The following ERC1 variants were observed in gnomAD, a reference collection of about 807,000 sequenced individuals.
ERC1 encodes the protein ELKS/RAB6-interacting/CAST family member 1.
Under a neutral mutation model 132.0 loss-of-function variants are expected in ERC1, and 56 were observed. The ratio of observed to expected loss-of-function variants is 0.42; its 90% CI spans 0.34 to 0.53. The LOEUF (loss-of-function observed/expected upper bound fraction) is 0.53, where lower values mean the gene tolerates loss of function less well. Ranked by LOEUF, ERC1 falls within the 20% of genes least tolerant of loss-of-function variation. The probability of loss-of-function intolerance (pLI) is 0.03; values close to 1 mark genes in which losing one functional copy is unlikely to be tolerated. For missense variants in ERC1, 1,202 were observed against 1,349.9 expected (o/e 0.89, Z 1.72); for synonymous variants, 478 against 476.1 (o/e 1.00, Z -0.05).
chr12:1,012,515 C>T (rs1248247168), intron 1 of ERC1, among the ~76,000 whole-genome samples: 4 of 134,764 alleles, frequency 3.0e-5, no homozygotes, highest in Non-Finnish European at 6.1e-5. Context: ...GCTCTGTCAA[C>T]AGGCTGGAGT....
chr12:1,384,612 A>G lies in ERC1; in HGVS notation c.2925+12635A>G, dbSNP rs117976652. On this transcript the variant is annotated intron_variant, in intron 16 of 18. Coordinates refer to ENST00000360905, the MANE Select transcript of ERC1 (RefSeq NM_178040.4). ...GAGATGAGTGATTGGAAAGCTGCTG[A>G]AAAGTTCATAGAAAATAGTGACTGT... 4.2e-3 allele frequency among the ~76,000 whole-genome samples: 639 copies of G among 152,330 alleles called. 10 individuals are homozygous for G. Among genetic ancestry groups the G allele is most frequent in the Non-Finnish European group, 6.2e-3 (424 of 68,030 alleles).
intron 17 of ERC1, among the ~76,000 whole-genome samples, chr12:1,423,499 G>A (rs1465899824): frequency 6.6e-6 from 1 of 152,104 alleles, no homozygotes; most frequent in East Asian, 1.9e-4. Context: ...CCCAAAACAT[G>A]ATCCATCTTA....
chr12:1,115,989 T>G lies in ERC1; in HGVS notation c.1525T>G (p.Ser509Ala). The change falls in exon 7 of 19, where the codon TCC becomes GCC. Residue 509 changes from serine (S) to alanine (A), a missense_variant. By Grantham distance (99) the Ser-to-Ala change is moderately conservative. Coordinates refer to ENST00000360905, the MANE Select transcript of ERC1 (RefSeq NM_178040.4). ...ACAGCACATTGAAGTGTTGAAGGAGTCCTTGACTGCTAAGGAGCAGAGGGC... is the reference window on the plus strand; with the variant it reads ...ACAGCACATTGAAGTGTTGAAGGAGGCCTTGACTGCTAAGGAGCAGAGGGC... ...SKQHIEVLKE[S>A]LTAKEQRAAI... 6.2e-7 allele frequency: 1 copy of G among 1,613,834 alleles called. No individual in the cohort carries two copies. The highest frequency in any genetic ancestry group is 8.5e-7 in the Non-Finnish European group (1 of 1,179,874).
At chr12:1,262,487 A>T (rs2077203723) in intron 13 of ERC1, among the ~76,000 whole-genome samples, 1 of 152,234 alleles carries the variant, frequency 6.6e-6, no homozygotes, top group Non-Finnish European at 1.5e-5. Context: ...CTATGAGATT[A>T]TGAGAAAACC....
chr12:1,290,387 T>C (rs192098819), intron 15 of ERC1, among the ~76,000 whole-genome samples: 3 of 152,304 alleles, frequency 2.0e-5, no homozygotes, highest in African/African-American at 7.2e-5. Context: ...ATTGTAAACA[T>C]TTCCAAAGGT....
intron 15 of ERC1, among the ~76,000 whole-genome samples, chr12:1,359,930 A>G (rs982283014): frequency 7.2e-6 from 1 of 138,402 alleles, no homozygotes; most frequent in Non-Finnish European, 1.5e-5. Flanking sequence ...ATAGTTAACT[A>G]ATTCTATAGA....
At chr12:1,003,118 T>TA (rs1555192329) in intron 1 of ERC1, among the ~76,000 whole-genome samples, 2 of 75,280 alleles carry the variant, frequency 2.7e-5, no homozygotes, top group African/African-American at 3.8e-5. Flanking sequence ...AAAAAAAGAC[T>TA]CAAAAAAAAA....
At chr12:1,096,532 A>G (rs1371859590) in intron 3 of ERC1, among the ~76,000 whole-genome samples, 1 of 152,208 alleles carries the variant, frequency 6.6e-6, no homozygotes, top group African/African-American at 2.4e-5. Context: ...CCGTGTGCCC[A>G]GTCAATCACC....
intron 12 of ERC1, among the ~76,000 whole-genome samples, chr12:1,196,731 G>A (rs1956272835): frequency 6.6e-6 from 1 of 151,170 alleles, no homozygotes; most frequent in Non-Finnish European, 1.5e-5. Flanking sequence ...CTGGGCTCAA[G>A]TGATCCCCTT....
chr12:1,112,618 G>A (rs1361707926), intron 6 of ERC1, among the ~76,000 whole-genome samples: 1 of 152,058 alleles, frequency 6.6e-6, no homozygotes, highest in Non-Finnish European at 1.5e-5. Flanking sequence ...TATGAATGGC[G>A]GCCTTCTTTT....
intron 7 of ERC1, among the ~76,000 whole-genome samples, chr12:1,126,477 T>C (rs1346274838): frequency 6.6e-6 from 1 of 152,200 alleles, no homozygotes; most frequent in African/African-American, 2.4e-5. Flanking sequence ...CAGTGAACTC[T>C]AGATGGATTA....
intron 3 of ERC1, among the ~76,000 whole-genome samples, chr12:1,094,124 T>C (rs1290462096): frequency 6.7e-6 from 1 of 149,026 alleles, no homozygotes; most frequent in Non-Finnish European, 1.5e-5. Context: ...GTTCAAGCAA[T>C]TCTTCTGCCT....
In ERC1 at chr12:1,181,917, C is replaced by T. The variant is rs2154271096; in HGVS notation, c.1876-8C>T. On this transcript the variant is annotated splice_region_variant and splice_polypyrimidine_tract_variant and intron_variant, in intron 9 of 18. Coordinates refer to ENST00000360905, the MANE Select transcript of ERC1 (RefSeq NM_178040.4). ...ATTTCTTCACATGTTGATATATTCT[C>T]TCATCAGGAGCGGACAATTGAACGC... The T allele has an allele frequency of 1.9e-6, 3 of 1,606,554 alleles. No individual in the cohort carries two copies. The highest frequency in any genetic ancestry group is 2.6e-6 in the Non-Finnish European group (3 of 1,176,456).
intron 8 of ERC1, among the ~76,000 whole-genome samples, chr12:1,159,495 TC>T (rs1279934771): frequency 3.3e-5 from 5 of 152,174 alleles, no homozygotes; most frequent in African/African-American, 1.2e-4. Context: ...CCGGCACTGG[TC>T]CATGGCCCAG....
At chr12:1,016,559 TGTGG>T (rs943063539) in intron 1 of ERC1, among the ~76,000 whole-genome samples, 2 of 152,096 alleles carry the variant, frequency 1.3e-5, no homozygotes, top group African/African-American at 4.8e-5. Flanking sequence ...AATGGATTTC[TGTGG>T]GGTGAGGCGA....
intron 1 of ERC1, among the ~76,000 whole-genome samples, chr12:1,001,687 T>C (rs1962318794): frequency 6.6e-6 from 1 of 152,194 alleles, no homozygotes; most frequent in Non-Finnish European, 1.5e-5. Context: ...CTCAACATTT[T>C]GTTTGTAAGA....
chr12:1,258,337 G>T (rs2076939589), intron 13 of ERC1, among the ~76,000 whole-genome samples: 1 of 152,162 alleles, frequency 6.6e-6, no homozygotes, highest in Non-Finnish European at 1.5e-5. Flanking sequence ...TATCATGAAG[G>T]TTGGTGAATA....
chr12:1,020,356 C>T (rs1966166300), intron 1 of ERC1, among the ~76,000 whole-genome samples: 1 of 152,290 alleles, frequency 6.6e-6, no homozygotes, highest in South Asian at 2.1e-4. Flanking sequence ...ACTTGGGAGG[C>T]TGAGGCAGGA....
intron 2 of ERC1, among the ~76,000 whole-genome samples, chr12:1,040,761 G>C (rs879781546): frequency 1.3e-5 from 2 of 151,948 alleles, no homozygotes; most frequent in Non-Finnish European, 2.9e-5. Flanking sequence ...CCTAATACTG[G>C]ATTGCAGTGA....
Sources: allele counts gnomAD v4.1 joint callset (sites outside exome capture counted in the v4.1 genomes callset), GRCh38; gene constraint gnomAD v4.1.1; transcripts MANE v1.5; gene names NCBI Gene and HGNC (gene_info 2026-07-23, HGNC 2026-07-21).